The following BANP variants were observed in gnomAD, a reference collection of about 807,000 sequenced individuals.
The protein encoded by BANP is protein BANP.
Under a neutral mutation model 68.1 loss-of-function variants are expected in BANP, and 11 were observed. That is an observed-to-expected ratio of 0.16 (90% CI 0.10 to 0.27). BANP has a LOEUF of 0.27. Among genes scored for constraint, BANP ranks in the 10% least tolerant of loss-of-function variants. The probability of loss-of-function intolerance (pLI) is 1.00; values close to 1 mark genes in which losing one functional copy is unlikely to be tolerated. For missense variants in BANP, 504 were observed against 722.7 expected, an observed-to-expected ratio of 0.70 and a Z score of 3.47; for synonymous variants, 329 against 303.2, an observed-to-expected ratio of 1.09 and a Z score of -0.88.
chr16:88,027,827 T>C (rs1357682795), intron 8 of BANP, among the ~76,000 whole-genome samples, 177 bp downstream of exon 8: 2 of 152,236 alleles, frequency 1.3e-5, no homozygotes, highest in African/African-American at 4.8e-5. Context: ...CCTGGCCCCG[T>C]GCGCCCTTCA....
At chr16:88,028,147 A>T (rs746285920) in intron 8 of BANP, among the ~76,000 whole-genome samples, 96 of 152,300 alleles carry the variant, frequency 6.3e-4, no homozygotes, top group Non-Finnish European at 4.6e-4. Context: ...TTTCACTAGG[A>T]ATGACAATGT....
chr16:88,001,251 T>C (rs1173224589), intron 4 of BANP, among the ~76,000 whole-genome samples: 1 of 134,540 alleles, frequency 7.4e-6, no homozygotes, highest in Non-Finnish European at 1.5e-5. Flanking sequence ...CGTGCGCGGC[T>C]GGACTTACCT....
rs1467667839 is a variant in BANP at position 87,964,534 on chromosome 16, GGCCGAGTGA to G, written c.-68-10511_-68-10503del. Among the ~76,000 whole-genome samples, 3 of 152,380 alleles carry G rather than the reference GGCCGAGTGA, an allele frequency of 2.0e-5. No homozygotes were observed. In the East Asian group the frequency reaches 5.8e-4, roughly 29 times the overall value. On this transcript the variant is annotated intron_variant, in intron 1 of 13. Coordinates refer to ENST00000682872, the MANE Select transcript of BANP (RefSeq NM_001386991.1). Reference sequence around the variant, plus strand: ...AAGCATGGGGAGGCCCAAATGCAGGGGCCGAGTGAGCGTGGCGGGGAGGAGAGCCCCAGG... The same window carrying G: ...AAGCATGGGGAGGCCCAAATGCAGGGGCGTGGCGGGGAGGAGAGCCCCAGG...
At position 88,027,442 on chromosome 16, in the gene BANP, C is replaced by T. The variant is rs201753170; in HGVS notation, c.896-41C>T. The T allele has an allele frequency of 2.1e-5, 33 of 1,609,736 alleles. 1 individual carries two copies. The highest frequency in any genetic ancestry group is 2.1e-4 in the Middle Eastern group (1 of 4,722). On this transcript the variant is annotated intron_variant, in intron 7 of 13. Transcript: ENST00000682872. ...GCCAGGCAGCTCCTGGTGGCTGTCC[C>T]GAACAGGCCTCACCGCTTCTCCTTG...
At chr16:87,969,822 C>T (rs959799292) in intron 1 of BANP, among the ~76,000 whole-genome samples, 10 of 152,052 alleles carry the variant, frequency 6.6e-5, no homozygotes, top group African/African-American at 1.9e-4. Flanking sequence ...TGAGCCACCA[C>T]GCCTGGCCTG....
intron 11 of BANP, among the ~76,000 whole-genome samples, chr16:88,051,037 G>A (rs958140273): frequency 3.3e-5 from 5 of 152,150 alleles, no homozygotes; most frequent in African/African-American, 4.8e-5. Flanking sequence ...CCAGAACCCC[G>A]TAGAATGCTA....
At chr16:87,956,181 T>G (rs187931586) in intron 1 of BANP, among the ~76,000 whole-genome samples, 1 of 152,336 alleles carries the variant, frequency 6.6e-6, no homozygotes, top group Non-Finnish European at 1.5e-5. Context: ...GTGATTGACA[T>G]GACATGGAGT....
chr16:88,042,107 A>C (rs1302067604), intron 11 of BANP, among the ~76,000 whole-genome samples: 1 of 152,266 alleles, frequency 6.6e-6, no homozygotes, highest in Non-Finnish European at 1.5e-5. Context: ...CTGCCTGTGC[A>C]AGGCCGGAGG....
At chr16:88,047,085 C>A (rs2082203209) in intron 11 of BANP, among the ~76,000 whole-genome samples, 1 of 151,914 alleles carries the variant, frequency 6.6e-6, no homozygotes, top group Admixed American at 6.6e-5. Flanking sequence ...AAAAAAAAAT[C>A]CTTATCATGT....
intron 11 of BANP, among the ~76,000 whole-genome samples, chr16:88,046,384 G>A (rs548526615): frequency 6.6e-6 from 1 of 152,322 alleles, no homozygotes; most frequent in East Asian, 1.9e-4. Flanking sequence ...AAAGCAATCT[G>A]ACTACAAAGT....
chr16:87,985,291 G>A (rs1036757693), intron 4 of BANP, among the ~76,000 whole-genome samples: 3 of 152,192 alleles, frequency 2.0e-5, no homozygotes, highest in Non-Finnish European at 2.9e-5. Flanking sequence ...TCCGAGCTCC[G>A]CTGCTGGTGG....
At chr16:87,968,470 G>A (rs2060505578) in intron 1 of BANP, among the ~76,000 whole-genome samples, 1 of 127,948 alleles carries the variant, frequency 7.8e-6, no homozygotes, top group Non-Finnish European at 1.6e-5. Flanking sequence ...GGCAACAAGA[G>A]TGAAACTCTG....
intron 6 of BANP, among the ~76,000 whole-genome samples, chr16:88,013,620 G>A (rs1314212549): frequency 6.6e-6 from 1 of 152,242 alleles, no homozygotes; most frequent in East Asian, 1.9e-4. Flanking sequence ...TCAGAGCTCA[G>A]CAGGACTTTG....
chr16:88,004,655 C>T lies in BANP; in HGVS notation c.479+244C>T, dbSNP rs2070436675. ...CGGGGACTTCTGTGTCTCGTGCTGG[C>T]CGGGGTTGTGGAGGGGGCTGGCTCT... On this transcript the variant is annotated intron_variant, in intron 5 of 13. Coordinates refer to ENST00000682872, the MANE Select transcript of BANP (RefSeq NM_001386991.1). This position sits in a 1 kb window ranked among gnomAD's most constrained non-coding sequence, Gnocchi z 7.0. Among the ~76,000 whole-genome samples the T allele has an allele frequency of 6.6e-6, 1 of 152,120 alleles. No homozygotes were observed. The highest frequency in any genetic ancestry group is 2.1e-4 in the South Asian group (1 of 4,824).
chr16:88,071,981 TG>T lies in BANP; in HGVS notation c.1378-84del. On this transcript the variant is annotated intron_variant, in intron 12 of 13. Transcript: ENST00000682872. This position sits in a 1 kb window ranked among gnomAD's most constrained non-coding sequence, Gnocchi z 6.5. Reference sequence around the variant, plus strand: ...CGCTCAGGGGACAGCACGTGTGGGCTGGGGTCTGCGGTCTGTGGAGCCATGT... The same window carrying T: ...CGCTCAGGGGACAGCACGTGTGGGCTGGGTCTGCGGTCTGTGGAGCCATGT... 6.6e-7 allele frequency: 1 copy of T among 1,511,844 alleles called. No individual in the cohort carries two copies. Among genetic ancestry groups the T allele is most frequent in the Non-Finnish European group, 8.9e-7 (1 of 1,125,988 alleles). 93.7% of individuals were successfully genotyped at this position (1,511,844 alleles called of 1,614,324 possible).
intron 12 of BANP, among the ~76,000 whole-genome samples, chr16:88,068,697 G>T (rs562638109): frequency 6.6e-6 from 1 of 152,182 alleles, no homozygotes; most frequent in Admixed American, 6.5e-5. Flanking sequence ...CAGAGTGACT[G>T]CCTGGGCGCG....
At position 88,030,681 on chromosome 16, in the gene BANP, G is replaced by A. The variant is rs1384339730; in HGVS notation, c.1064-2428G>A. ...GAGCATTTGCACAGGAGTAGACGGT[G>A]GTGCAACAGCGTGTGAAGCCGAGTG... On this transcript the variant is annotated intron_variant, in intron 8 of 13. Coordinates refer to ENST00000682872, the MANE Select transcript of BANP (RefSeq NM_001386991.1). Among the ~76,000 whole-genome samples the A allele has an allele frequency of 3.9e-5, 6 of 152,342 alleles. No homozygotes were observed. The East Asian group carries it at 1.2e-3, about 29-fold the overall frequency.
chr16:87,970,083 T>A (rs1022704478), intron 1 of BANP: 4 of 152,164 alleles, frequency 2.6e-5, no homozygotes, highest in Non-Finnish European at 5.9e-5. Flanking sequence ...AATTTTCGTA[T>A]TTTTAGTAGA....
intron 11 of BANP, among the ~76,000 whole-genome samples, chr16:88,054,617 G>A (rs560551512): frequency 6.6e-6 from 1 of 151,266 alleles, no homozygotes; most frequent in South Asian, 2.1e-4. Context: ...GCACCGTCAA[G>A]GGGTCAAGTG....
Sources: gnomAD v4.1 joint callset for allele counts (sites outside exome capture counted in the v4.1 genomes callset) on GRCh38, gnomAD v4.1.1 for gene constraint, Gnocchi (gnomAD v3.1) non-coding constraint, MANE v1.5 for transcripts, NCBI Gene and HGNC (gene_info 2026-07-23, HGNC 2026-07-21) for gene names.